The following DIDO1 variants were observed in gnomAD, a reference collection of about 807,000 sequenced individuals.
The protein encoded by DIDO1 is death inducer-obliterator 1.
DIDO1 carries 16 observed loss-of-function variants against 99.4 expected under a neutral mutation model. That is an observed-to-expected ratio of 0.16 (90% CI 0.11 to 0.24). The LOEUF (loss-of-function observed/expected upper bound fraction) is 0.24. DIDO1 is among the 10% of genes least tolerant of loss of function. The pLI is 1.00. For missense variants in DIDO1, 2,996 were observed against 3,014.0 expected (o/e 0.99, Z 0.14); for synonymous variants, 1,366 against 1,239.1 (o/e 1.10, Z -2.15).
chr20:62,894,723 G>T lies in DIDO1; in HGVS notation c.2436+87C>A. On this transcript the variant is annotated intron_variant, in intron 10 of 15. Transcript: ENST00000395343. The surrounding 1 kb of genome is among the most constrained non-coding windows in gnomAD (Gnocchi z 4.4). ...TGACATACACCTGCTGTAAGCTCAG[G>T]TCCTGCCCAATAATTTAAGATAACC... 7.4e-7 allele frequency: 1 copy of T among 1,352,790 alleles called. No homozygotes were observed. Among genetic ancestry groups the T allele is most frequent in the Non-Finnish European group, 9.8e-7 (1 of 1,020,590 alleles). The allele number at this position is 1,352,790 out of a possible 1,614,324, so 83.8% of individuals were successfully genotyped here. A position where few individuals can be genotyped will look rare whatever the true frequency, so the allele number is the denominator to read the frequency against.
upstream of DIDO1, chr20:62,926,632 T>C (rs2065262257): frequency 6.6e-6 from 1 of 152,034 alleles, no homozygotes; most frequent in Non-Finnish European, 1.5e-5. Flanking sequence ...TGCGCCCGTC[T>C]TTCATACCTG....
chr20:62,901,416 C>T (rs1296980902), intron 6 of DIDO1, among the ~76,000 whole-genome samples: 1 of 152,234 alleles, frequency 6.6e-6, no homozygotes, highest in Non-Finnish European at 1.5e-5. Context: ...CCCAGCTGCA[C>T]ATGGTGTGTG....
At chr20:62,933,840 G>A (rs1253842793) in intron 1 of DIDO1, among the ~76,000 whole-genome samples, 1 of 152,174 alleles carries the variant, frequency 6.6e-6, no homozygotes. Flanking sequence ...ACTCCAGCCT[G>A]GGCAAACTGC....
At chr20:62,910,527 C>G (rs1220271177) in intron 3 of DIDO1, among the ~76,000 whole-genome samples, 1 of 152,220 alleles carries the variant, frequency 6.6e-6, no homozygotes, top group African/African-American at 2.4e-5. Flanking sequence ...GCTCACGTGA[C>G]TGGGGTGGGG....
chr20:62,880,065 G>A lies in DIDO1; in HGVS notation c.5891C>T (p.Pro1964Leu). 1.2e-6 allele frequency: 2 copies of A among 1,611,752 alleles called. No individual in the cohort carries two copies. Among genetic ancestry groups the A allele is most frequent in the Non-Finnish European group, 1.7e-6 (2 of 1,180,004 alleles). Reference sequence around the variant, plus strand: ...GACCCTCTGGTCTTCGAACTGCTGAGGCTGAATGCCCCTGGGACCTGGCAT... The same window carrying A: ...GACCCTCTGGTCTTCGAACTGCTGAAGCTGAATGCCCCTGGGACCTGGCAT... The part of the protein sequence containing the change: ...NFMPGPRGIQ[P>L]QQFEDQRVHS... Residue 1964 changes from proline (P) to leucine (L), a missense_variant, in exon 16 of 16, where the codon CCT (proline) becomes CTT (leucine). Coordinates refer to ENST00000395343, the MANE Select transcript of DIDO1 (RefSeq NM_001193369.2).
Position 62,911,362 on chromosome 20 carries a change from C to T in DIDO1, c.251G>A (p.Arg84His), listed in dbSNP as rs2064935666. Residue 84 changes from arginine (R) to histidine (H), a missense_variant, in exon 3 of 16, where the codon CGC becomes CAC. Transcript: ENST00000395343. The surrounding 1 kb of genome is among the most constrained non-coding windows in gnomAD (Gnocchi z 7.0). ...VEQFLTIARR[R>H]GRRSMPVSLE... The stretch of plus-strand genomic sequence containing the variant: ...GGAGACAGGCATGCTCCTCCTGCCG[C>T]GGCGCCGCGCAATGGTCAGGAACTG... 1.2e-6 allele frequency: 2 copies of T among 1,610,394 alleles called. No individual in the cohort carries two copies. The highest frequency in any genetic ancestry group is 1.7e-6 in the Non-Finnish European group (2 of 1,179,974).
At chr20:62,901,232 A>G (rs1016077973) in intron 6 of DIDO1, among the ~76,000 whole-genome samples, 1 of 152,240 alleles carries the variant, frequency 6.6e-6, no homozygotes, top group Non-Finnish European at 1.5e-5. Flanking sequence ...GTCCACAGCT[A>G]GACTGCCGTG....
chr20:62,906,139 A>T, intron 5 of DIDO1, 39 bp from the exon 6 acceptor site: 1 of 1,583,524 alleles, frequency 6.3e-7, no homozygotes, highest in East Asian at 2.2e-5. Flanking sequence ...TAAAAAGGTA[A>T]GAAATCATAC....
At chr20:62,908,833 T>A (rs1415373894) in intron 4 of DIDO1, among the ~76,000 whole-genome samples, 1 of 152,202 alleles carries the variant, frequency 6.6e-6, no homozygotes, top group Non-Finnish European at 1.5e-5. Context: ...AACTCCAGCC[T>A]GGGCAACAGA....
At chr20:62,905,288 T>C (rs1384217909) in intron 6 of DIDO1, 2 of 1,385,220 alleles carry the variant, frequency 1.4e-6, no homozygotes. Context: ...GTGTGTGGCC[T>C]TCGAAGTTCG....
chr20:62,904,592 C>T (rs566410970), intron 6 of DIDO1, among the ~76,000 whole-genome samples: 4 of 152,048 alleles, frequency 2.6e-5, no homozygotes, highest in African/African-American at 4.8e-5. Flanking sequence ...ACCAGCCTGA[C>T]CAACATGGTG....
rs1028665887 is a variant in DIDO1, at chr20:62,911,837, A to T, written c.-2-223T>A. 1.3e-5 allele frequency among the ~76,000 whole-genome samples: 2 copies of T among 152,254 alleles called. No individual in the cohort carries two copies. Among genetic ancestry groups the T allele is most frequent in the African/African-American group, 2.4e-5 (1 of 41,462 alleles). On this transcript the variant is annotated intron_variant, in intron 2 of 15. Transcript: ENST00000395343. The surrounding 1 kb of genome is among the most constrained non-coding windows in gnomAD (Gnocchi z 7.0). ...TTAAACAACTAACGTTTAGACAAAA[A>T]TACAGCTAACAAATCAAATGTACAA...
At position 62,907,192 on chromosome 20, in the gene DIDO1, C is replaced by T. The variant is rs748051212; in HGVS notation, c.1329G>A (p.Met443Ile). The T allele has an allele frequency of 1.6e-5, 26 of 1,614,256 alleles. No homozygotes were observed. The highest frequency in any genetic ancestry group is 3.3e-5 in the Admixed American group (2 of 60,030). The change falls in exon 5 of 16, where the codon ATG becomes ATA. Residue 443 changes from methionine to isoleucine, a missense_variant. By Grantham distance (10) the Met-to-Ile change is conservative. Transcript: ENST00000395343. The part of the protein sequence containing the change: ...KEQKPKPKEK[M>I]KMKPEKPSLP... Reference sequence around the variant, plus strand: ...GACTGGGCTTCTCTGGCTTCATCTTCATCTTTTCTTTAGGCTTTGGCTTCT... The same window carrying T: ...GACTGGGCTTCTCTGGCTTCATCTTTATCTTTTCTTTAGGCTTTGGCTTCT...
intron 15 of DIDO1, 97 bp from the exon 16 acceptor site, chr20:62,882,511 A>G: frequency 8.4e-7 from 1 of 1,191,202 alleles, no homozygotes; most frequent in Admixed American, 2.5e-5. Context: ...GGAACGTTTA[A>G]TAGACAAAAA....
chr20:62,910,818 G>A lies in DIDO1; in HGVS notation c.795C>T (p.Asp265=). Residue 265 remains aspartate (D), a synonymous_variant, in exon 3 of 16, where the codon GAC becomes GAT. Transcript: ENST00000395343. ...GRPKPECEGY[D]PNALYCICRQ... is the part of the protein sequence containing the mutation. ...GGCAAATGCAATACAGGGCGTTGGGGTCGTAACCCTCACATTCAGGCTTCG... is the reference window on the plus strand; with the variant it reads ...GGCAAATGCAATACAGGGCGTTGGGATCGTAACCCTCACATTCAGGCTTCG... 1.2e-6 allele frequency: 2 copies of A among 1,614,224 alleles called. No individual in the cohort carries two copies.
Position 62,894,123 on chromosome 20 carries a change from C to G in DIDO1, c.2644G>C (p.Asp882His). The G allele has an allele frequency of 6.2e-7, 1 of 1,614,194 alleles. No individual in the cohort carries two copies. The highest frequency in any genetic ancestry group is 2.2e-5 in the East Asian group (1 of 44,886). ...QKLSASVKKEDLKSKHDSSAP... is the reference protein window; with the variant it reads ...QKLSASVKKEHLKSKHDSSAP... ...GAGCTGTCATGCTTTGATTTTAAGT[C>G]TTCTTTCTTAACAGAAGCTGACAAT... Residue 882 changes from aspartate (D) to histidine (H), a missense_variant, in exon 12 of 16, where the codon GAC (aspartate) becomes CAC (histidine). Asp to His is a moderately conservative substitution (Grantham distance 81, BLOSUM62 -1). Around this residue, in one of 5 missense-constraint regions of DIDO1, gnomAD observed 898 missense variants for 972.7 expected, o/e 0.92. Transcript: ENST00000395343. The surrounding 1 kb of genome is among the most constrained non-coding windows in gnomAD (Gnocchi z 4.4).
At chr20:62,908,138 C>T (rs2064847787) in intron 4 of DIDO1, among the ~76,000 whole-genome samples, 1 of 152,082 alleles carries the variant, frequency 6.6e-6, no homozygotes, top group African/African-American at 2.4e-5. Flanking sequence ...TACCACCACG[C>T]CCAGCTCATT....
intron 1 of DIDO1, among the ~76,000 whole-genome samples, chr20:62,933,397 C>T (rs2065350259): frequency 6.6e-6 from 1 of 152,206 alleles, no homozygotes; most frequent in Non-Finnish European, 1.5e-5. Context: ...ATGGGTTTAT[C>T]AATTATCCTG....
At chr20:62,909,183 G>A (rs373635922) in intron 4 of DIDO1, among the ~76,000 whole-genome samples, 6 of 152,232 alleles carry the variant, frequency 3.9e-5, no homozygotes, top group Non-Finnish European at 7.3e-5. Flanking sequence ...GTGAAAACAC[G>A]CCAAGTCACA....
Sources: gnomAD v4.1 joint callset for allele counts (sites outside exome capture counted in the v4.1 genomes callset) on GRCh38, gnomAD v4.1.1 for gene constraint, gnomAD v4.1.1 regional missense constraint, Gnocchi (gnomAD v3.1) non-coding constraint, MANE v1.5 for transcripts, NCBI Gene and HGNC (gene_info 2026-07-23, HGNC 2026-07-21) for gene names.